The following PSG7 variants were observed in gnomAD, a reference collection of about 807,000 sequenced individuals.
PSG7 encodes pregnancy specific beta-1-glycoprotein 7, also known as pregnancy-specific beta-1-glycoprotein 7.
A neutral mutation model predicts 45.6 loss-of-function variants in PSG7; 57 were observed. The ratio of observed to expected loss-of-function variants is 1.25; its 90% CI spans 1.01 to 1.56. The LOEUF is 1.56. Among genes scored for constraint, PSG7 ranks in the 40% most tolerant of loss-of-function variants. The pLI is 0.00. For missense variants in PSG7, 796 were observed against 508.4 expected, an observed-to-expected ratio of 1.57 and a Z score of -5.44; for synonymous variants, 298 against 194.4, an observed-to-expected ratio of 1.53 and a Z score of -4.43.
rs201202314 is a variant in PSG7 at position 42,935,404 on chromosome 19, G to C, written c.430C>G (p.Leu144Val). Reference sequence around the variant, plus strand: ...CCAGGGACCATGTGGAATCACTCACGGTATAAGGTGAAGGTGAAACGTCCA... The same window carrying C: ...CCAGGGACCATGTGGAATCACTCACCGTATAAGGTGAAGGTGAAACGTCCA... ...VTGRFTFTLY[L>V]ETPKPSISSS... The change falls in exon 2 of 6, where the codon CTG becomes GTG. Residue 144 changes from leucine (L) to valine (V), a missense_variant and splice_region_variant. Physicochemically the swap from Leu to Val is conservative, Grantham distance 32. Coordinates refer to ENST00000406070, the MANE Select transcript of PSG7 (RefSeq NM_002783.3). 2.5e-6 allele frequency: 4 copies of C among 1,610,812 alleles called. No individual in the cohort carries two copies. The highest frequency in any genetic ancestry group is 3.4e-6 in the Non-Finnish European group (4 of 1,178,544).
At chr19:42,926,981 G>A (rs1972909047) in intron 3 of PSG7, 1 of 625,314 alleles carries the variant, frequency 1.6e-6, no homozygotes. Context: ...ATGTCAGTGG[G>A]AGTCACAGCG....
In PSG7 at chr19:42,929,619, A is replaced by AGCTT. The variant is rs769559052; in HGVS notation, c.528_531dup (p.Tyr178LysfsTer21). On this transcript the variant is annotated frameshift_variant, in exon 3 of 6. Transcript: ENST00000406070. LOFTEE classifies it high-confidence loss of function. ...CTCTGACCATTCATCCACCACAGGT[A>AGCTT]GCTTGCATCTGGAGTCTCAGGATCA... 1 of 1,612,518 alleles carries AGCTT rather than the reference A, an allele frequency of 6.2e-7. No homozygotes were observed. Among genetic ancestry groups the AGCTT allele is most frequent in the African/African-American group, 1.3e-5 (1 of 74,676 alleles).
At position 42,927,635 on chromosome 19, in the gene PSG7, G is replaced by A. The variant is rs185082760; in HGVS notation, c.710-919C>T. ...GGATATAAGACAAATTTGGAGAGAA[G>A]TTTTGCAAATATTTTCTTTCACTGG... On this transcript the variant is annotated intron_variant, in intron 3 of 5. Transcript: ENST00000406070. The A allele has an allele frequency of 4.7e-4, 71 of 151,734 alleles. 1 individual carries two copies. The highest frequency in any genetic ancestry group is 1.6e-3 in the African/African-American group (67 of 41,326). The allele number at this position is 151,734 out of a possible 1,614,324, so 9.4% of individuals were successfully genotyped here. A position where few individuals can be genotyped will look rare whatever the true frequency, so the allele number is the denominator to read the frequency against.
intron 3 of PSG7, among the ~76,000 whole-genome samples, chr19:42,927,875 A>T (rs1035585102): frequency 4.6e-5 from 7 of 151,570 alleles, no homozygotes; most frequent in African/African-American, 7.3e-5. Flanking sequence ...AAGATGGAGT[A>T]TTTCTTATGC....
chr19:42,933,290 TATA>T lies in PSG7; in HGVS notation c.430+2111_430+2113del, dbSNP rs1443236848. On this transcript the variant is annotated intron_variant, in intron 2 of 5. Coordinates refer to ENST00000406070, the MANE Select transcript of PSG7 (RefSeq NM_002783.3). ...CAATATATATATATATATATATATA[TATA>T]TATATATATATATATTTTTTTTTTT... is the stretch of plus-strand genomic sequence containing the variant. Among the ~76,000 whole-genome samples, 19 of 12,040 alleles carry T rather than the reference TATA, an allele frequency of 1.6e-3. 2 individuals carry two copies. The highest frequency in any genetic ancestry group is 3.9e-3 in the African/African-American group (19 of 4,926). The allele number at this position is 12,040 out of a possible 152,430, so 7.9% of individuals were successfully genotyped here. A position where few individuals can be genotyped will look rare whatever the true frequency, so the allele number is the denominator to read the frequency against.
chr19:42,926,278 G>T, intron 4 of PSG7, 160 bp downstream of exon 4: 1 of 1,464,002 alleles, frequency 6.8e-7, no homozygotes, highest in Non-Finnish European at 9.1e-7. Flanking sequence ...TGCCTACCCA[G>T]GTTTTCCCAG....
rs782286322 is a variant in PSG7, at chr19:42,935,493, T to C, written c.341A>G (p.Gln114Arg). 8.1e-6 allele frequency: 13 copies of C among 1,612,104 alleles called. No homozygotes were observed. The African/African-American group carries it at 1.1e-4, about 13-fold the overall frequency. ...TAAAGTGTAGGATCCTGTGTCTTCC[T>C]GGGTGACATTCTGGATCAGCAGGGA... ...NASLLIQNVTQEDTGSYTLHI... is the reference protein window; with the variant it reads ...NASLLIQNVTREDTGSYTLHI... The change falls in exon 2 of 6, where the codon CAG becomes CGG. Residue 114 changes from glutamine (Q) to arginine (R), a missense_variant. Coordinates refer to ENST00000406070, the MANE Select transcript of PSG7 (RefSeq NM_002783.3).
In PSG7 at chr19:42,926,346, G is replaced by A. The variant is rs142567126; in HGVS notation, c.988+92C>T. 1,301 of 1,576,474 alleles carry A rather than the reference G, an allele frequency of 8.3e-4. 48 individuals carry two copies. The East Asian group carries it at 0.012, about 15-fold the overall frequency. ...AAGTAAATATGTCTATACTTGGACCGGAGAGAGACTGAGAGGACTGGCCTC... is the reference window on the plus strand; with the variant it reads ...AAGTAAATATGTCTATACTTGGACCAGAGAGAGACTGAGAGGACTGGCCTC... On this transcript the variant is annotated intron_variant, in intron 4 of 5. Coordinates refer to ENST00000406070, the MANE Select transcript of PSG7 (RefSeq NM_002783.3).
intron 2 of PSG7, among the ~76,000 whole-genome samples, chr19:42,933,301 ATATATAT>A (rs1212053871): frequency 1.6e-3 from 23 of 14,642 alleles, no homozygotes; most frequent in South Asian, 9.4e-3. Flanking sequence ...ATATATATAT[ATATATAT>A]TTTTTTTTTT....
rs1362838215 is a variant in PSG7 at position 42,933,291 on chromosome 19, ATATATATATATATATATTT to A, written c.430+2094_430+2112del. 8.2e-4 allele frequency among the ~76,000 whole-genome samples: 8 copies of A among 9,706 alleles called. 2 individuals are homozygous for A. Among genetic ancestry groups the A allele is most frequent in the South Asian group, 0.01 (2 of 192 alleles). The allele number at this position is 9,706 out of a possible 152,430, so 6.4% of individuals were successfully genotyped here. A position where few individuals can be genotyped will look rare whatever the true frequency, so the allele number is the denominator to read the frequency against. On this transcript the variant is annotated intron_variant, in intron 2 of 5. Coordinates refer to ENST00000406070, the MANE Select transcript of PSG7 (RefSeq NM_002783.3). ...AATATATATATATATATATATATAT[ATATATATATATATATATTT>A]TTTTTTTTTTTTGGTGTATGTATGT...
Position 42,925,799 on chromosome 19 carries a change from G to T in PSG7, c.1217C>A (p.Ser406Tyr). Residue 406 changes from serine (S) to tyrosine (Y), a missense_variant, in exon 5 of 6, where the codon TCC becomes TAC. Ser to Tyr is a moderately radical substitution (Grantham distance 144, BLOSUM62 -2). Transcript: ENST00000406070. ...VRNSATGKES[S>Y]KSVTVRVSDW... ...AGAGACTCTGACTGTCACGGATTTGGAGCTTTCCTTGCCAGTGGCTGAGTT... is the reference window on the plus strand; with the variant it reads ...AGAGACTCTGACTGTCACGGATTTGTAGCTTTCCTTGCCAGTGGCTGAGTT... The T allele has an allele frequency of 6.2e-7, 1 of 1,612,076 alleles. No homozygotes were observed. The highest frequency in any genetic ancestry group is 8.5e-7 in the Non-Finnish European group (1 of 1,179,046).
At chr19:42,925,517 CATT>C (rs1363891754) in intron 5 of PSG7, 1 of 973,366 alleles carries the variant, frequency 1.0e-6, no homozygotes, top group African/African-American at 1.7e-5. Context: ...ACATTATCCT[CATT>C]ATTATCAATT....
intron 5 of PSG7, 114 bp downstream of exon 5, chr19:42,925,659 T>C: frequency 6.4e-7 from 1 of 1,574,494 alleles, no homozygotes. Flanking sequence ...ATTTGGGATT[T>C]GCTTGTGCCC....
At chr19:42,929,310 A>C in intron 3 of PSG7, 132 bp downstream of exon 3, 1 of 1,573,836 alleles carries the variant, frequency 6.4e-7, no homozygotes, top group Non-Finnish European at 8.6e-7. Context: ...TGGGGCAGGA[A>C]GTCACCACCA....
intron 2 of PSG7, among the ~76,000 whole-genome samples, chr19:42,934,590 C>G (rs980735923): frequency 6.6e-6 from 1 of 151,668 alleles, no homozygotes; most frequent in Non-Finnish European, 1.5e-5. Context: ...TGACCTAATG[C>G]GTAGCACTGT....
rs1183704262 is a variant in PSG7 at position 42,933,292 on chromosome 19, TATATA to T, written c.430+2107_430+2111del. On this transcript the variant is annotated intron_variant, in intron 2 of 5. Transcript: ENST00000406070. ...ATATATATATATATATATATATATA[TATATA>T]TATATATATATTTTTTTTTTTTTTT... Among the ~76,000 whole-genome samples the T allele has an allele frequency of 1.6e-3, 22 of 13,416 alleles. 1 individual carries two copies. The highest frequency in any genetic ancestry group is 3.2e-3 in the African/African-American group (18 of 5,698). 8.8% of individuals were successfully genotyped at this position (13,416 alleles called of 152,430 possible). A position where few individuals can be genotyped will look rare whatever the true frequency, so the allele number is the denominator to read the frequency against.
intron 2 of PSG7, among the ~76,000 whole-genome samples, chr19:42,933,307 ATTTTTTT>A (rs397965905): frequency 7.4e-4 from 10 of 13,504 alleles, no homozygotes; most frequent in East Asian, 9.7e-3. Flanking sequence ...ATATATATAT[ATTTTTTT>A]TTTTTTTTGG....
chr19:42,930,832 G>T (rs1210011414), intron 2 of PSG7, among the ~76,000 whole-genome samples: 2 of 151,520 alleles, frequency 1.3e-5, no homozygotes, highest in Admixed American at 1.3e-4. Context: ...GGGTTCTAGA[G>T]ATCTCCTGTA....
intron 2 of PSG7, among the ~76,000 whole-genome samples, chr19:42,933,936 G>T (rs371042478): frequency 4.6e-5 from 7 of 151,344 alleles, no homozygotes; most frequent in Admixed American, 2.0e-4. Flanking sequence ...GAAGGACAAG[G>T]GACAGGTGTG....
Sources: gnomAD v4.1 joint callset for allele counts (sites outside exome capture counted in the v4.1 genomes callset) on GRCh38, gnomAD v4.1.1 for gene constraint, MANE v1.5 for transcripts, NCBI Gene and HGNC (gene_info 2026-07-23, HGNC 2026-07-21) for gene names.